LARP4B: variants seen among roughly 807,000 people sequenced by gnomAD.
LARP4B encodes la-related protein 4B.
LARP4B carries 12 observed loss-of-function variants against 89.8 expected under a neutral mutation model. The observed-to-expected ratio is 0.13, with a 90% CI of 0.09 to 0.22. LARP4B has a LOEUF of 0.22. Ranked by LOEUF, LARP4B falls within the 10% of genes least tolerant of loss-of-function variation. The pLI, the probability that LARP4B is intolerant of heterozygous loss-of-function variation, is 1.00. For missense variants in LARP4B, 757 were observed against 947.7 expected, an observed-to-expected ratio of 0.80 and a Z score of 2.64; for synonymous variants, 367 against 363.3, an observed-to-expected ratio of 1.01 and a Z score of -0.12.
chr10:967,485 T>C, the LARP4B span, among the ~76,000 whole-genome samples: 1 of 151,908 alleles, frequency 6.6e-6, no homozygotes, highest in African/African-American at 2.4e-5. Flanking sequence ...AGATGAAAAA[T>C]AAAAGAATAA....
intron 1 of LARP4B, among the ~76,000 whole-genome samples, chr10:915,874 C>A (rs1588987758): frequency 6.7e-6 from 1 of 149,920 alleles, no homozygotes; most frequent in African/African-American, 2.4e-5. Context: ...TGAAATATTT[C>A]AATTATCTGG....
At chr10:960,707 C>CAAAA in the LARP4B span, among the ~76,000 whole-genome samples, 6 of 65,884 alleles carry the variant, frequency 9.1e-5, no homozygotes, top group African/African-American at 2.6e-4. Flanking sequence ...GACTCTGTCT[C>CAAAA]AAAAAAAAAA....
intron 5 of LARP4B, among the ~76,000 whole-genome samples, chr10:860,579 C>A (rs1414182894): frequency 2.0e-5 from 3 of 152,138 alleles, no homozygotes; most frequent in Non-Finnish European, 4.4e-5. Context: ...AAAACAATCC[C>A]AAAATCCATG....
At position 931,594 on chromosome 10, in the gene LARP4B, G is replaced by C. The variant is rs1830615173; in HGVS notation, c.-206C>G. The C allele has an allele frequency of 6.5e-6, 1 of 153,628 alleles. No homozygotes were observed. Among genetic ancestry groups the C allele is most frequent in the Non-Finnish European group, 1.4e-5 (1 of 69,550 alleles). The allele number at this position is 153,628 out of a possible 1,614,324, so 9.5% of individuals were successfully genotyped here. A position where few individuals can be genotyped will look rare whatever the true frequency, so the allele number is the denominator to read the frequency against. On this transcript the variant is annotated 5_prime_UTR_variant, in exon 1 of 18. Coordinates refer to ENST00000316157, the MANE Select transcript of LARP4B (RefSeq NM_015155.3). ...GAGGTAGGGGAGAGGGCGGGCGCGA[G>C]CTGGCGGCGGCGGCGGCGGCGGATT...
chr10:820,897 T>A (rs1832319551), intron 13 of LARP4B, 52 bp from the exon 14 acceptor site: 1 of 1,528,238 alleles, frequency 6.5e-7, no homozygotes. Flanking sequence ...TTGGAGAATT[T>A]ATTATTGAGC....
the LARP4B span, among the ~76,000 whole-genome samples, chr10:958,656 C>T: frequency 1.3e-5 from 2 of 152,216 alleles, no homozygotes; most frequent in Admixed American, 6.5e-5. Flanking sequence ...TGCCTCAGGT[C>T]TTCATAGCTC....
At chr10:943,442 C>T in the LARP4B span, among the ~76,000 whole-genome samples, 1 of 151,226 alleles carries the variant, frequency 6.6e-6, no homozygotes, top group Non-Finnish European at 1.5e-5. Flanking sequence ...TTCATTTTGT[C>T]TTTTCGAGAC....
rs1830610825 is a variant in LARP4B at position 931,518 on chromosome 10, C to A, written c.-130G>T. On this transcript the variant is annotated 5_prime_UTR_variant, in exon 1 of 18. Transcript: ENST00000316157. The stretch of plus-strand genomic sequence containing the variant: ...GCGGCCGCGCCACACGCGGGGACGG[C>A]GAGGAGAGAGACGGCAGGGAGAGGC... 1 of 148,958 alleles carries A rather than the reference C, an allele frequency of 6.7e-6. No homozygotes were observed. The highest frequency in any genetic ancestry group is 2.5e-5 in the African/African-American group (1 of 40,736). The allele number at this position is 148,958 out of a possible 1,614,324, so 9.2% of individuals were successfully genotyped here.
In LARP4B at chr10:853,870, C is replaced by T. The variant is rs75003287; in HGVS notation, c.431-8815G>A. 8.3e-4 allele frequency among the ~76,000 whole-genome samples: 126 copies of T among 152,230 alleles called. 1 individual carries two copies. The East Asian group carries it at 0.021, about 26-fold the overall frequency. On this transcript the variant is annotated intron_variant, in intron 5 of 17. Coordinates refer to ENST00000316157, the MANE Select transcript of LARP4B (RefSeq NM_015155.3). Reference sequence around the variant, plus strand: ...ACAACAGCGAAGTATATCACGTGGACGGACTCTTGCTTTCACCAAAGATTT... The same window carrying T: ...ACAACAGCGAAGTATATCACGTGGATGGACTCTTGCTTTCACCAAAGATTT...
chr10:970,407 G>A, the LARP4B span, among the ~76,000 whole-genome samples: 1 of 152,164 alleles, frequency 6.6e-6, no homozygotes, highest in Non-Finnish European at 1.5e-5. Context: ...TCACACACTG[G>A]ATTAAGCAAT....
chr10:828,164 G>A (rs1832723786), intron 11 of LARP4B, among the ~76,000 whole-genome samples: 1 of 152,202 alleles, frequency 6.6e-6, no homozygotes, highest in Admixed American at 6.5e-5. Context: ...TGCGCAGTTA[G>A]GCCTGGAAAC....
chr10:821,949 C>T (rs1832373353), intron 13 of LARP4B, among the ~76,000 whole-genome samples: 1 of 152,082 alleles, frequency 6.6e-6, no homozygotes, highest in African/African-American at 2.4e-5. Context: ...ACAACCCAAC[C>T]TCCTGTAGGA....
At chr10:842,899 A>C (rs757397347) in intron 7 of LARP4B, 33 bp downstream of exon 7, 1 of 1,588,646 alleles carries the variant, frequency 6.3e-7, no homozygotes, top group Non-Finnish European at 8.6e-7. Context: ...CTCTAAGGAC[A>C]AGTATTATTA....
chr10:874,548 C>A (rs1324495221), intron 3 of LARP4B, among the ~76,000 whole-genome samples: 1 of 152,206 alleles, frequency 6.6e-6, no homozygotes, highest in Non-Finnish European at 1.5e-5. Context: ...TGTGGACTCA[C>A]ATAATGGGTC....
chr10:813,314 T>A, intron 17 of LARP4B, 101 bp from the exon 18 acceptor site: 1 of 1,201,642 alleles, frequency 8.3e-7, no homozygotes, highest in Non-Finnish European at 1.2e-6. Context: ...CAACTGTAAC[T>A]AAGTTTCCAT....
chr10:843,104 T>G (rs1833602805), intron 6 of LARP4B, 36 bp from the exon 7 acceptor site: 1 of 1,597,574 alleles, frequency 6.3e-7, no homozygotes, highest in Admixed American at 1.7e-5. Flanking sequence ...AATCAGTATT[T>G]CTTTAAAAGG....
downstream of LARP4B, chr10:807,282 C>G (rs1831591411): frequency 6.6e-6 from 1 of 152,282 alleles, no homozygotes; most frequent in Non-Finnish European, 1.5e-5. Flanking sequence ...AAGCGCCCCA[C>G]ATTTCTGCAC....
chr10:938,840 T>G, the LARP4B span, among the ~76,000 whole-genome samples: 2 of 152,334 alleles, frequency 1.3e-5, no homozygotes, highest in African/African-American at 4.8e-5. Flanking sequence ...GAGAGTTATC[T>G]TGTAGAGACA....
chr10:870,176 T>C (rs1232241931), intron 3 of LARP4B: 1 of 285,750 alleles, frequency 3.5e-6, no homozygotes, highest in African/African-American at 2.3e-5. Context: ...TGTGACTGTA[T>C]TAGTCCAGAG....
Sources: allele counts gnomAD v4.1 joint callset (sites outside exome capture counted in the v4.1 genomes callset), GRCh38; gene constraint gnomAD v4.1.1; transcripts MANE v1.5; gene names NCBI Gene and HGNC (gene_info 2026-07-23, HGNC 2026-07-21).